COL6A5: variants seen among roughly 807,000 people sequenced by gnomAD.
The protein encoded by COL6A5 is collagen type VI alpha 5 chain, also known as collagen alpha-5(VI) chain.
In COL6A5, 48 loss-of-function variants were observed where a neutral mutation model predicts 65.6. That is an observed-to-expected ratio of 0.73 (90% CI 0.58 to 0.93). The LOEUF (loss-of-function observed/expected upper bound fraction) is 0.93. Ranked by LOEUF, COL6A5 falls within the 40% of genes least tolerant of loss-of-function variation. The pLI is 0.00. For missense variants in COL6A5, 914 were observed against 928.3 expected (o/e 0.98, Z 0.20); for synonymous variants, 291 against 322.8 (o/e 0.90, Z 1.05).
Position 130,410,469 on chromosome 3 carries a change from A to G in COL6A5, c.4609-2A>G, listed in dbSNP as rs1468336898. 1.0e-5 allele frequency: 16 copies of G among 1,548,522 alleles called. 1 individual carries two copies. Among genetic ancestry groups the G allele is most frequent in the Non-Finnish European group, 1.4e-5 (16 of 1,144,942 alleles). On this transcript the variant is annotated splice_acceptor_variant and NMD_transcript_variant, in intron 19 of 41. Coordinates refer to the COL6A5 transcript ENST00000312481. ...ATCTTGAGGAAATTATTATATTTTTAGGGTAGAAGTGGACAGAAAGGGGTG... is the reference window on the plus strand; with the variant it reads ...ATCTTGAGGAAATTATTATATTTTTGGGGTAGAAGTGGACAGAAAGGGGTG...
At chr3:130,464,762 C>T (rs865850903) in intron 5 of COL6A5, among the ~76,000 whole-genome samples, 9 of 152,012 alleles carry the variant, frequency 5.9e-5, no homozygotes, top group Middle Eastern at 3.2e-3. Context: ...TAAGAGTTTG[C>T]CACTGGGTTC....
chr3:130,484,652 G>A, exon 8 of COL6A5: 1 of 398,770 alleles, frequency 2.5e-6, no homozygotes, highest in Non-Finnish European at 4.4e-6. Context: ...AAAGTGATAA[G>A]AGGCTAATTT....
At chr3:130,455,564 G>A in exon 5 of COL6A5, 1 of 1,612,460 alleles carries the variant, frequency 6.2e-7, no homozygotes, top group Non-Finnish European at 8.5e-7. Context: ...CAATGGAAGT[G>A]ACTATTTGGT....
rs575937167 is a variant in COL6A5, at chr3:130,470,270, G to A, written c.2232-601G>A. On this transcript the variant is annotated intron_variant, in intron 6 of 7. Transcript: ENST00000512836. ...CTTGTAAGATCAAACAAGTCCTAGCGTGTGCTGGGAATTAGGAATGTGGCA... is the reference window on the plus strand; with the variant it reads ...CTTGTAAGATCAAACAAGTCCTAGCATGTGCTGGGAATTAGGAATGTGGCA... 7.4e-4 allele frequency among the ~76,000 whole-genome samples: 112 copies of A among 152,144 alleles called. 1 individual carries two copies. The highest frequency in any genetic ancestry group is 2.6e-3 in the African/African-American group (107 of 41,540).
At chr3:130,362,383 T>G (rs1330044212) in intron 1 of COL6A5, among the ~76,000 whole-genome samples, 1 of 147,032 alleles carries the variant, frequency 6.8e-6, no homozygotes, top group Non-Finnish European at 1.5e-5. Context: ...CACTGTTTGT[T>G]GAAAAAACTG....
intron 2 of COL6A5, 93 bp downstream of exon 2, chr3:130,373,798 AAATC>A: frequency 1.2e-6 from 1 of 813,120 alleles, no homozygotes; most frequent in Non-Finnish European, 2.0e-6. Context: ...TATTTACTAA[AAATC>A]AAAGTATGCA....
At chr3:130,365,971 A>G (rs1347236850) in intron 1 of COL6A5, among the ~76,000 whole-genome samples, 3 of 152,104 alleles carry the variant, frequency 2.0e-5, no homozygotes, top group Non-Finnish European at 2.9e-5. Context: ...GCCAAGCCAC[A>G]TTTTGTTTTC....
At position 130,366,592 on chromosome 3, in the gene COL6A5, T is replaced by C. The variant is rs76886918; in HGVS notation, c.-28-7019T>C. On this transcript the variant is annotated intron_variant and NMD_transcript_variant, in intron 1 of 41. Coordinates refer to the COL6A5 transcript ENST00000312481. ...TATGAGTTCTGATTCCTTGATATTC[T>C]TTCCACAATGCCTGATCAAAGTTGT... Among the ~76,000 whole-genome samples the C allele has an allele frequency of 2.0e-3, 306 of 152,366 alleles. 7 individuals carry two copies. The East Asian group carries it at 0.047, about 23-fold the overall frequency.
intron 22 of COL6A5, among the ~76,000 whole-genome samples, chr3:130,414,552 T>G (rs1300082577): frequency 2.6e-5 from 4 of 152,140 alleles, no homozygotes; most frequent in Non-Finnish European, 5.9e-5. Context: ...GGTATCAGTA[T>G]TTCTGAAATA....
At chr3:130,391,899 AGAAAT>A (rs1223427800) in intron 7 of COL6A5, 145 bp downstream of exon 7, 5 of 690,138 alleles carry the variant, frequency 7.2e-6, no homozygotes, top group Non-Finnish European at 1.2e-5. Flanking sequence ...CATCTCTAAA[AGAAAT>A]GGGTTGATTG....
intron 1 of COL6A5, among the ~76,000 whole-genome samples, chr3:130,355,805 TAGAA>T (rs535627010): frequency 2.2e-4 from 34 of 151,828 alleles, no homozygotes; most frequent in South Asian, 6.2e-4. Flanking sequence ...TAATATAAAA[TAGAA>T]AGAGTTTAAG....
At chr3:130,385,260 T>A (rs571560145) in exon 5 of COL6A5, 15 of 1,550,822 alleles carry the variant, frequency 9.7e-6, no homozygotes, top group Non-Finnish European at 1.2e-5. Flanking sequence ...AAAATAGAAC[T>A]GCAAGAAATT....
At chr3:130,465,546 T>C (rs1709795015) in intron 5 of COL6A5, among the ~76,000 whole-genome samples, 1 of 152,014 alleles carries the variant, frequency 6.6e-6, no homozygotes, top group Non-Finnish European at 1.5e-5. Context: ...AACCACTGCT[T>C]TAGACTCATC....
intron 1 of COL6A5, among the ~76,000 whole-genome samples, chr3:130,355,349 A>G (rs2107615900): frequency 6.6e-6 from 1 of 152,260 alleles, no homozygotes; most frequent in East Asian, 1.9e-4. Flanking sequence ...AGATTGAGAG[A>G]TTCCTCTTGC....
At chr3:130,403,338 G>A (rs1315502545) in intron 12 of COL6A5, among the ~76,000 whole-genome samples, 2 of 152,194 alleles carry the variant, frequency 1.3e-5, no homozygotes, top group Admixed American at 6.5e-5. Context: ...TGCAGGTGTG[G>A]CTCTGTGGGT....
intron 4 of COL6A5, among the ~76,000 whole-genome samples, chr3:130,446,998 T>C (rs1285988750): frequency 1.3e-5 from 2 of 152,100 alleles, no homozygotes; most frequent in African/African-American, 4.8e-5. Flanking sequence ...TTTGGACAAT[T>C]GGGTTTTTAA....
At chr3:130,408,687 G>A (rs1937079712) in intron 17 of COL6A5, among the ~76,000 whole-genome samples, 1 of 152,094 alleles carries the variant, frequency 6.6e-6, no homozygotes, top group African/African-American at 2.4e-5. Flanking sequence ...GGGCATCACA[G>A]AACCTGCCGA....
chr3:130,415,841 A>T (rs946485086), intron 23 of COL6A5, 134 bp downstream of exon 23: 13 of 662,488 alleles, frequency 2.0e-5, no homozygotes, highest in Non-Finnish European at 2.8e-5. Context: ...CTGGGGCAAA[A>T]TTCTAGCGCA....
intron 7 of COL6A5, among the ~76,000 whole-genome samples, chr3:130,483,520 G>A (rs752334484): frequency 6.6e-6 from 1 of 152,118 alleles, no homozygotes; most frequent in Non-Finnish European, 1.5e-5. Flanking sequence ...TAAACTCCAG[G>A]TGCTCATAGT....
Sources: allele counts gnomAD v4.1 joint callset (sites outside exome capture counted in the v4.1 genomes callset), GRCh38; gene constraint gnomAD v4.1.1; transcripts MANE v1.5; gene names NCBI Gene and HGNC (gene_info 2026-07-23, HGNC 2026-07-21).